MANEA: variants seen among roughly 807,000 people sequenced by gnomAD.
MANEA encodes glycoprotein endo-alpha-1,2-mannosidase.
In MANEA, 25 loss-of-function variants were observed where a neutral mutation model predicts 36.8. That is an observed-to-expected ratio of 0.68 (90% CI 0.50 to 0.95). MANEA has a LOEUF of 0.95. MANEA is among the 40% of genes least tolerant of loss of function. The pLI, the probability that MANEA is intolerant of heterozygous loss-of-function variation, is 0.00. For missense variants in MANEA, 565 were observed against 558.8 expected (o/e 1.01, Z -0.11); for synonymous variants, 198 against 188.5 (o/e 1.05, Z -0.41).
At chr6:95,587,010 T>TGC in intron 2 of MANEA, 27 bp downstream of exon 2, 2 of 1,338,942 alleles carry the variant, frequency 1.5e-6, no homozygotes, top group Non-Finnish European at 2.1e-6. Flanking sequence ...TATATATGTG[T>TGC]GTTTGTGTCT....
chr6:95,600,470 A>G (rs1175298386), intron 3 of MANEA, among the ~76,000 whole-genome samples: 2 of 152,198 alleles, frequency 1.3e-5, no homozygotes, highest in African/African-American at 2.4e-5. Context: ...GGATTTGTCT[A>G]TGATTTCTGT....
At chr6:95,582,967 C>T (rs145855693) in intron 1 of MANEA, among the ~76,000 whole-genome samples, 3 of 152,264 alleles carry the variant, frequency 2.0e-5, no homozygotes, top group African/African-American at 4.8e-5. Context: ...TCGCTGAAGA[C>T]TAATGGCCAT....
chr6:95,592,379 G>C (rs945486452), intron 2 of MANEA, among the ~76,000 whole-genome samples: 10 of 152,074 alleles, frequency 6.6e-5, no homozygotes, highest in Admixed American at 1.3e-4. Context: ...TTCTCTCTCT[G>C]ATGATTCCAA....
intron 1 of MANEA, among the ~76,000 whole-genome samples, chr6:95,585,131 T>C (rs1769256221): frequency 1.1e-5 from 1 of 94,442 alleles, no homozygotes; most frequent in Admixed American, 9.6e-5. Context: ...TATATACTTA[T>C]ACTCATATAT....
At chr6:95,584,232 C>T (rs942825019) in intron 1 of MANEA, among the ~76,000 whole-genome samples, 6 of 152,020 alleles carry the variant, frequency 3.9e-5, no homozygotes, top group South Asian at 2.1e-4. Flanking sequence ...TTTAAGACAG[C>T]GATAAAGTCT....
chr6:95,578,837 T>C (rs917887373), intron 1 of MANEA, among the ~76,000 whole-genome samples: 5 of 152,190 alleles, frequency 3.3e-5, no homozygotes, highest in Admixed American at 6.5e-5. Context: ...AACATAACCA[T>C]ATAGCAGCAG....
chr6:95,583,107 T>C (rs9384949), intron 1 of MANEA, among the ~76,000 whole-genome samples: 90,695 of 151,934 alleles, frequency 0.6, 27,493 homozygotes, highest in East Asian at 0.87. Context: ...GAACATTTTG[T>C]CAGTATGTAT....
intron 1 of MANEA, among the ~76,000 whole-genome samples, chr6:95,582,724 T>A (rs1487248826): frequency 6.6e-6 from 1 of 152,224 alleles, no homozygotes; most frequent in Non-Finnish European, 1.5e-5. Flanking sequence ...TTGCTTACCA[T>A]TATACACAAA....
At chr6:95,584,907 T>C (rs899995840) in intron 1 of MANEA, among the ~76,000 whole-genome samples, 1 of 152,218 alleles carries the variant, frequency 6.6e-6, no homozygotes, top group Non-Finnish European at 1.5e-5. Context: ...GTTCCCCCGA[T>C]AGAATAGAAG....
At chr6:95,594,038 G>T (rs1769439345) in intron 2 of MANEA, among the ~76,000 whole-genome samples, 1 of 151,778 alleles carries the variant, frequency 6.6e-6, no homozygotes, top group African/African-American at 2.4e-5. Flanking sequence ...CTCCAGCCTG[G>T]CAACAGAGCA....
At chr6:95,583,212 G>A (rs1582218878) in intron 1 of MANEA, among the ~76,000 whole-genome samples, 1 of 152,164 alleles carries the variant, frequency 6.6e-6, no homozygotes, top group Admixed American at 6.5e-5. Context: ...GGGAACTGAT[G>A]TGATGGAATG....
rs771919096 is a variant in MANEA at position 95,605,868 on chromosome 6, C to T, written c.852C>T (p.Thr284=). The change falls in exon 5 of 5, where the codon ACC becomes ACT. Residue 284 remains threonine, a synonymous_variant. Transcript: ENST00000358812. ...KPEKWANLLT[T]SGSRSIRNSP... ...AAAAATGGGCCAATCTGTTAACCAC[C>T]TCAGGGTCTCGGAGTATTCGCAATT... is the stretch of plus-strand genomic sequence containing the variant. 1.9e-6 allele frequency: 3 copies of T among 1,613,980 alleles called. No homozygotes were observed. The highest frequency in any genetic ancestry group is 2.5e-6 in the Non-Finnish European group (3 of 1,179,974).
chr6:95,581,159 G>A (rs556373452), intron 1 of MANEA, among the ~76,000 whole-genome samples: 3 of 152,296 alleles, frequency 2.0e-5, no homozygotes, highest in East Asian at 3.9e-4. Context: ...TGGAATTTGA[G>A]CTCAAGCATT....
chr6:95,603,851 G>A (rs980731420), intron 3 of MANEA, among the ~76,000 whole-genome samples: 2 of 152,032 alleles, frequency 1.3e-5, no homozygotes, highest in African/African-American at 2.4e-5. Flanking sequence ...TCTAAGAGAA[G>A]TATCTTCTGT....
At chr6:95,583,466 T>C (rs1769221396) in intron 1 of MANEA, among the ~76,000 whole-genome samples, 1 of 152,138 alleles carries the variant, frequency 6.6e-6, no homozygotes, top group Admixed American at 6.5e-5. Context: ...TGTACCTGCA[T>C]GCCTTGATAT....
At chr6:95,594,887 T>C (rs548864861) in intron 2 of MANEA, among the ~76,000 whole-genome samples, 1 of 152,272 alleles carries the variant, frequency 6.6e-6, no homozygotes, top group African/African-American at 2.4e-5. Flanking sequence ...ATCTTTCTGG[T>C]TTCACATTTT....
At position 95,586,941 on chromosome 6, in the gene MANEA, G is replaced by C. The variant is rs771560453; in HGVS notation, c.502G>C (p.Val168Leu). 5.6e-6 allele frequency: 9 copies of C among 1,612,344 alleles called. No individual in the cohort carries two copies. In the East Asian group the frequency reaches 2.0e-4, roughly 36 times the overall value. The change falls in exon 2 of 5, where the codon GTC becomes CTC. Residue 168 changes from valine to leucine, a missense_variant. Val to Leu is a conservative substitution (Grantham distance 32). Coordinates refer to ENST00000358812, the MANE Select transcript of MANEA (RefSeq NM_024641.4). ...LGSYSSRDPS[V>L]IETHMRQMRS... ...AAGTTACAGTTCTCGGGATCCTTCTGTCATAGAAACTCACATGAGACAAAT... is the reference window on the plus strand; with the variant it reads ...AAGTTACAGTTCTCGGGATCCTTCTCTCATAGAAACTCACATGAGACAAAT...
chr6:95,600,741 G>A (rs1003470491), intron 3 of MANEA, among the ~76,000 whole-genome samples: 4 of 152,112 alleles, frequency 2.6e-5, no homozygotes, highest in African/African-American at 7.2e-5. Flanking sequence ...TGTAAAATGC[G>A]TTCATTAGTA....
chr6:95,603,717 A>C (rs1769643565), intron 3 of MANEA, among the ~76,000 whole-genome samples: 1 of 152,048 alleles, frequency 6.6e-6, no homozygotes, highest in African/African-American at 2.4e-5. Context: ...CTAAAATTAA[A>C]ACAGTATCAA....
Sources: allele counts gnomAD v4.1 joint callset (sites outside exome capture counted in the v4.1 genomes callset), GRCh38; gene constraint gnomAD v4.1.1; transcripts MANE v1.5; gene names NCBI Gene and HGNC (gene_info 2026-07-23, HGNC 2026-07-21).